The following PRKCE variants were observed in gnomAD, a reference collection of about 807,000 sequenced individuals.
PRKCE encodes the protein protein kinase C epsilon type.
Under a neutral mutation model 85.4 loss-of-function variants are expected in PRKCE, and 16 were observed. The ratio of observed to expected loss-of-function variants is 0.19; its 90% CI spans 0.13 to 0.28. The LOEUF (loss-of-function observed/expected upper bound fraction) is 0.28, where lower values mean the gene tolerates loss of function less well. Ranked by LOEUF, PRKCE falls within the 10% of genes least tolerant of loss-of-function variation. The probability of loss-of-function intolerance (pLI) is 1.00; values close to 1 mark genes in which losing one functional copy is unlikely to be tolerated. For missense variants in PRKCE, 573 were observed against 975.2 expected, an observed-to-expected ratio of 0.59 and a Z score of 5.49; for synonymous variants, 388 against 371.5, an observed-to-expected ratio of 1.04 and a Z score of -0.51.
chr2:45,654,374 G>A (rs112948266), intron 1 of PRKCE, among the ~76,000 whole-genome samples: 1 of 152,364 alleles, frequency 6.6e-6, no homozygotes, highest in South Asian at 2.1e-4. Context: ...TCAAATTCAT[G>A]TTGGATTTGG....
chr2:46,164,380 T>C (rs1678113334), intron 14 of PRKCE, among the ~76,000 whole-genome samples: 1 of 152,200 alleles, frequency 6.6e-6, no homozygotes, highest in Non-Finnish European at 1.5e-5. Context: ...GCTGTACAAG[T>C]GCCCTAATCT....
At chr2:45,970,886 C>G (rs940999599) in intron 2 of PRKCE, among the ~76,000 whole-genome samples, 2 of 149,452 alleles carry the variant, frequency 1.3e-5, no homozygotes, top group Non-Finnish European at 3.0e-5. Flanking sequence ...TATTATGGAT[C>G]AATATATAAT....
At chr2:45,676,200 C>G (rs1358563139) in intron 1 of PRKCE, 1 of 152,168 alleles carries the variant, frequency 6.6e-6, no homozygotes, top group Non-Finnish European at 1.5e-5. Flanking sequence ...TTCCCAGTCT[C>G]AAGATGGAAC....
At chr2:46,092,121 T>G (rs1028330117) in intron 11 of PRKCE, among the ~76,000 whole-genome samples, 1 of 152,226 alleles carries the variant, frequency 6.6e-6, no homozygotes, top group African/African-American at 2.4e-5. Context: ...TTGTGAAGTT[T>G]AGATAGTACC....
At chr2:45,760,676 A>G (rs948709556) in intron 1 of PRKCE, among the ~76,000 whole-genome samples, 1 of 152,156 alleles carries the variant, frequency 6.6e-6, no homozygotes, top group Non-Finnish European at 1.5e-5. Context: ...TGAAGACGAG[A>G]CTGAAGACAA....
At chr2:45,909,760 A>C (rs1485696335) in intron 2 of PRKCE, among the ~76,000 whole-genome samples, 1 of 152,222 alleles carries the variant, frequency 6.6e-6, no homozygotes. Flanking sequence ...TGCTTCCTGG[A>C]CTTGTTCCTA....
At chr2:45,889,031 A>T (rs981378426) in intron 2 of PRKCE, among the ~76,000 whole-genome samples, 1 of 152,214 alleles carries the variant, frequency 6.6e-6, no homozygotes, top group African/African-American at 2.4e-5. Flanking sequence ...TCATAATTAG[A>T]AATTACAACA....
At chr2:45,744,415 TTC>T (rs772478593) in intron 1 of PRKCE, among the ~76,000 whole-genome samples, 10 of 10,236 alleles carry the variant, frequency 9.8e-4, no homozygotes, top group Non-Finnish European at 2.9e-3. Context: ...TTCTTTTCTT[TTC>T]TTTCTTTCTT....
chr2:45,828,194 G>A (rs983408761), intron 1 of PRKCE, among the ~76,000 whole-genome samples: 1 of 152,188 alleles, frequency 6.6e-6, no homozygotes, highest in African/African-American at 2.4e-5. Flanking sequence ...TCACAAAAGT[G>A]GAGGAACACC....
At chr2:46,154,929 CG>C (rs1435456610) in intron 13 of PRKCE, among the ~76,000 whole-genome samples, 1 of 152,172 alleles carries the variant, frequency 6.6e-6, no homozygotes, top group Non-Finnish European at 1.5e-5. Flanking sequence ...TTCTCAGACG[CG>C]TCCCAAGGGC....
rs1690109397 is a variant in PRKCE, at chr2:45,828,195, G to A, written c.349-14805G>A. 3.3e-5 allele frequency among the ~76,000 whole-genome samples: 5 copies of A among 152,184 alleles called. No individual in the cohort carries two copies. The South Asian group carries it at 1.0e-3, about 32-fold the overall frequency. ...TGGACTGCCTCACCTCACAAAAGTG[G>A]AGGAACACCATCATATAGAGGAGAT... On this transcript the variant is annotated intron_variant, in intron 1 of 14. Transcript: ENST00000306156.
intron 2 of PRKCE, among the ~76,000 whole-genome samples, chr2:45,915,791 A>T (rs918015719): frequency 3.9e-5 from 6 of 152,140 alleles, no homozygotes; most frequent in Non-Finnish European, 8.8e-5. Flanking sequence ...TCACTCAGTA[A>T]CTGGCTGGAC....
intron 1 of PRKCE, among the ~76,000 whole-genome samples, chr2:45,790,675 C>G (rs962000117): frequency 1.3e-5 from 2 of 152,170 alleles, no homozygotes; most frequent in African/African-American, 4.8e-5. Flanking sequence ...CTTGGGTAAC[C>G]CTTCACGTTT....
At chr2:46,153,792 T>C (rs1488150299) in intron 13 of PRKCE, among the ~76,000 whole-genome samples, 2 of 141,410 alleles carry the variant, frequency 1.4e-5, no homozygotes, top group African/African-American at 2.6e-5. Context: ...TTTTTTTTTT[T>C]TTTTTTTTTT....
intron 14 of PRKCE, among the ~76,000 whole-genome samples, chr2:46,182,459 C>A (rs918257069): frequency 1.2e-4 from 19 of 152,164 alleles, no homozygotes; most frequent in Admixed American, 2.0e-4. Flanking sequence ...GCCCTCCTGG[C>A]AGAGGTGACC....
At chr2:45,679,191 C>A (rs535349286) in intron 1 of PRKCE, among the ~76,000 whole-genome samples, 1 of 152,148 alleles carries the variant, frequency 6.6e-6, no homozygotes, top group African/African-American at 2.4e-5. Flanking sequence ...GGCAGTGTGG[C>A]TGCAATAGAA....
intron 1 of PRKCE, among the ~76,000 whole-genome samples, chr2:45,738,342 C>T (rs1459143527): frequency 6.6e-6 from 1 of 152,180 alleles, no homozygotes; most frequent in Non-Finnish European, 1.5e-5. Flanking sequence ...AGATAAAGTA[C>T]ACTTCAGCCA....
chr2:45,941,576 AC>A (rs1699882184), intron 2 of PRKCE, among the ~76,000 whole-genome samples: 1 of 152,192 alleles, frequency 6.6e-6, no homozygotes, highest in African/African-American at 2.4e-5. Context: ...CTTCAACGGA[AC>A]CTTGAAGAAT....
At chr2:45,901,686 A>G (rs1354145162) in intron 2 of PRKCE, among the ~76,000 whole-genome samples, 2 of 152,228 alleles carry the variant, frequency 1.3e-5, no homozygotes, top group African/African-American at 4.8e-5. Context: ...TACATTTCCC[A>G]TTATGTATCT....
Sources: allele counts gnomAD v4.1 joint callset (sites outside exome capture counted in the v4.1 genomes callset), GRCh38; gene constraint gnomAD v4.1.1; transcripts MANE v1.5; gene names NCBI Gene and HGNC (gene_info 2026-07-23, HGNC 2026-07-21).